FNBP1: variants seen among roughly 807,000 people sequenced by gnomAD.
FNBP1 encodes the protein formin binding protein 1, also known as formin-binding protein 1.
FNBP1 carries 26 observed loss-of-function variants against 90.6 expected under a neutral mutation model. The observed-to-expected ratio is 0.29, with a 90% CI of 0.21 to 0.40. The LOEUF is 0.40. Among genes scored for constraint, FNBP1 ranks in the 10% least tolerant of loss-of-function variants. FNBP1 has a pLI of 1.00. For missense variants in FNBP1, 635 were observed against 768.0 expected (o/e 0.83, Z 2.05); for synonymous variants, 260 against 265.2 (o/e 0.98, Z 0.19).
intron 7 of FNBP1, among the ~76,000 whole-genome samples, chr9:129,927,963 C>T (rs539903985): frequency 5.3e-5 from 8 of 152,194 alleles, no homozygotes; most frequent in South Asian, 4.1e-4. Flanking sequence ...CTACCTCAAA[C>T]GTTTTCTCCA....
rs142045624 is a variant in FNBP1, at chr9:129,912,479, G to A, written c.1186-3480C>T. The stretch of plus-strand genomic sequence containing the variant: ...CGAGGCGGGTGGATCACCTGAGGTC[G>A]GGAGTTTGAGACGAGCCTGACCAAC... On this transcript the variant is annotated intron_variant, in intron 11 of 16. Coordinates refer to ENST00000446176, the MANE Select transcript of FNBP1 (RefSeq NM_015033.3). 7.3e-5 allele frequency among the ~76,000 whole-genome samples: 11 copies of A among 151,228 alleles called. No homozygotes were observed. In the East Asian group the frequency reaches 9.9e-4, roughly 14 times the overall value.
chr9:129,943,385 T>C (rs2044638029), intron 6 of FNBP1, among the ~76,000 whole-genome samples: 1 of 2,936 alleles, frequency 3.4e-4, no homozygotes, highest in Admixed American at 4.3e-3. Context: ...CATTAATTGC[T>C]TTTTTTTTTT....
At chr9:130,011,730 T>G (rs969050191) in intron 1 of FNBP1, among the ~76,000 whole-genome samples, 5 of 152,138 alleles carry the variant, frequency 3.3e-5, no homozygotes, top group Admixed American at 2.0e-4. Context: ...AGGTATTTTG[T>G]TATAGCAGCA....
At chr9:130,001,529 A>G (rs2054851545) in intron 1 of FNBP1, among the ~76,000 whole-genome samples, 1 of 151,990 alleles carries the variant, frequency 6.6e-6, no homozygotes, top group African/African-American at 2.4e-5. Flanking sequence ...GTTTCAGGAA[A>G]CTCCAGAGGT....
chr9:129,992,200 G>A (rs572430238), intron 2 of FNBP1, among the ~76,000 whole-genome samples: 2 of 152,184 alleles, frequency 1.3e-5, no homozygotes, highest in East Asian at 1.9e-4. Flanking sequence ...GGAGACTGTC[G>A]TGGGAAGAAT....
At chr9:129,897,686 CTT>C (rs1253664632) in intron 15 of FNBP1, among the ~76,000 whole-genome samples, 1 of 152,128 alleles carries the variant, frequency 6.6e-6, no homozygotes, top group Non-Finnish European at 1.5e-5. Context: ...GCCCTGAACT[CTT>C]GGCCTCAGCC....
chr9:129,979,801 G>A (rs1825972400), intron 2 of FNBP1, among the ~76,000 whole-genome samples: 1 of 151,796 alleles, frequency 6.6e-6, no homozygotes, highest in African/African-American at 2.4e-5. Flanking sequence ...CACCACATCT[G>A]GCTAATTTTT....
intron 2 of FNBP1, among the ~76,000 whole-genome samples, chr9:129,982,165 C>T (rs1261441823): frequency 7.2e-5 from 11 of 152,152 alleles, no homozygotes; most frequent in Admixed American, 7.2e-4. Flanking sequence ...TTAAAAACAC[C>T]ATCACAAGGA....
rs77369142 is a variant in FNBP1 at position 129,938,541 on chromosome 9, C to CTTT, written c.514-8849_514-8847dup. On this transcript the variant is annotated intron_variant, in intron 6 of 16. Coordinates refer to ENST00000446176, the MANE Select transcript of FNBP1 (RefSeq NM_015033.3). ...GAACTATTCCAGCAATTTCCTGACTCTTTTTTTTTTTTTTGAAAACAGTCT... is the reference window on the plus strand; with the variant it reads ...GAACTATTCCAGCAATTTCCTGACTCTTTTTTTTTTTTTTTTTGAAAACAGTCT... Among the ~76,000 whole-genome samples, 1,275 of 140,646 alleles carry CTTT rather than the reference C, an allele frequency of 9.1e-3. 21 individuals carry two copies. Among genetic ancestry groups the CTTT allele is most frequent in the African/African-American group, 0.032 (1,209 of 38,046 alleles). 92.3% of individuals were successfully genotyped at this position (140,646 alleles called of 152,430 possible). A position where few individuals can be genotyped will look rare whatever the true frequency, so the allele number is the denominator to read the frequency against.
chr9:129,895,472 G>A (rs537485291), intron 16 of FNBP1: 1 of 1,145,812 alleles, frequency 8.7e-7, no homozygotes, highest in South Asian at 4.3e-5. Flanking sequence ...GCACCTGCAT[G>A]ATGCGTGCCG....
intron 12 of FNBP1, among the ~76,000 whole-genome samples, chr9:129,905,129 C>T (rs1212813746): frequency 6.6e-6 from 1 of 151,804 alleles, no homozygotes; most frequent in Admixed American, 6.6e-5. Flanking sequence ...CCCACTACCT[C>T]CCTATTTCTC....
chr9:129,917,853 G>C (rs1261854442), intron 10 of FNBP1, among the ~76,000 whole-genome samples: 1 of 152,116 alleles, frequency 6.6e-6, no homozygotes, highest in African/African-American at 2.4e-5. Context: ...CTGTGAACTT[G>C]AGCATAGATC....
At chr9:129,943,100 C>T (rs2044575521) in intron 6 of FNBP1, among the ~76,000 whole-genome samples, 1 of 152,194 alleles carries the variant, frequency 6.6e-6, no homozygotes, top group Non-Finnish European at 1.5e-5. Context: ...AACATGCTCC[C>T]TCAGTGCCCT....
At chr9:130,009,501 T>C (rs1232412940) in intron 1 of FNBP1, among the ~76,000 whole-genome samples, 2 of 151,698 alleles carry the variant, frequency 1.3e-5, no homozygotes, top group Non-Finnish European at 2.9e-5. Flanking sequence ...CTAAACCTCA[T>C]TTCTACTAAA....
intron 6 of FNBP1, chr9:129,933,685 G>GT (rs2043066850): frequency 6.6e-6 from 1 of 152,150 alleles, no homozygotes; most frequent in Non-Finnish European, 1.5e-5. Context: ...CTCTCCAGGA[G>GT]TTTTTCTTCC....
In FNBP1 at chr9:130,034,696, GTT is replaced by G. The variant is rs373312742; in HGVS notation, c.24+8254_24+8255del. 3.0e-3 allele frequency among the ~76,000 whole-genome samples: 455 copies of G among 152,320 alleles called. 7 individuals carry two copies. The highest frequency in any genetic ancestry group is 0.011 in the African/African-American group (437 of 41,566). The stretch of plus-strand genomic sequence containing the variant: ...TTGAGTACGAGCTTCATTCATGACT[GTT>G]TCTGCTGGCTCTGCAGCATTTAGTG... On this transcript the variant is annotated intron_variant, in intron 1 of 16. Coordinates refer to ENST00000446176, the MANE Select transcript of FNBP1 (RefSeq NM_015033.3).
intron 15 of FNBP1, among the ~76,000 whole-genome samples, 176 bp downstream of exon 15, chr9:129,899,788 AG>A (rs2036535988): frequency 8.0e-6 from 1 of 125,650 alleles, no homozygotes; most frequent in African/African-American, 3.1e-5. Context: ...AGGGAAGGGA[AG>A]GGAAGGAAGG....
At chr9:129,977,051 T>G (rs1309484813) in intron 4 of FNBP1, among the ~76,000 whole-genome samples, 2 of 151,510 alleles carry the variant, frequency 1.3e-5, no homozygotes, top group East Asian at 3.9e-4. Flanking sequence ...ACCTGTAATC[T>G]CAGCTACTGA....
At chr9:130,014,002 C>T (rs2056940545) in intron 1 of FNBP1, 2 of 456,460 alleles carry the variant, frequency 4.4e-6, no homozygotes, top group South Asian at 3.1e-5. Context: ...GCTATAGCAA[C>T]ACAAAATAGA....
Sources: allele counts gnomAD v4.1 joint callset (sites outside exome capture counted in the v4.1 genomes callset), GRCh38; gene constraint gnomAD v4.1.1; transcripts MANE v1.5; gene names NCBI Gene and HGNC (gene_info 2026-07-23, HGNC 2026-07-21).